MRPS28: variants seen among roughly 807,000 people sequenced by gnomAD.
MRPS28 encodes mitochondrial ribosomal protein S28.
Under a neutral mutation model 10.8 loss-of-function variants are expected in MRPS28, and 7 were observed. The observed-to-expected ratio is 0.65, with a 90% confidence interval of 0.37 to 1.22. MRPS28 has a LOEUF of 1.22. Among genes scored for constraint, MRPS28 ranks in the 50% most tolerant of loss-of-function variants. The pLI is 0.02. For synonymous variants in MRPS28, 121 were observed against 93.3 expected (o/e 1.30, Z -1.71); for missense variants, 265 against 232.9 (o/e 1.14, Z -0.90).
At chr8:80,007,560 A>C (rs201902653) in intron 1 of MRPS28, among the ~76,000 whole-genome samples, 5 of 152,128 alleles carry the variant, frequency 3.3e-5, no homozygotes, top group African/African-American at 4.8e-5. Flanking sequence ...AGCTGATAAG[A>C]AACTTCAGCA....
At chr8:79,983,047 A>C (rs1305207150) in intron 2 of MRPS28, among the ~76,000 whole-genome samples, 1 of 150,032 alleles carries the variant, frequency 6.7e-6, no homozygotes, top group African/African-American at 2.5e-5. Context: ...CTGACACCTC[A>C]CACGGCCAGG....
intron 1 of MRPS28, among the ~76,000 whole-genome samples, chr8:80,003,614 G>A (rs1442421497): frequency 2.0e-5 from 3 of 152,312 alleles, no homozygotes; most frequent in Non-Finnish European, 2.9e-5. Flanking sequence ...CTGAGGTACC[G>A]GGTTCATTTC....
At chr8:79,991,754 C>G (rs550511083) in intron 2 of MRPS28, among the ~76,000 whole-genome samples, 3 of 152,302 alleles carry the variant, frequency 2.0e-5, no homozygotes, top group Non-Finnish European at 4.4e-5. Context: ...AATGCATACA[C>G]AAACTCTGTA....
chr8:79,919,014 T>C lies in MRPS28; in HGVS notation c.530A>G (p.Asp177Gly), dbSNP rs374250785. 11 of 1,581,668 alleles carry C rather than the reference T, an allele frequency of 7.0e-6. 1 individual carries two copies. The highest frequency in any genetic ancestry group is 1.9e-5 in the Admixed American group (1 of 52,824). The change falls in exon 3 of 3, where the codon GAC (aspartate) becomes GGC (glycine). Residue 177 changes from aspartate to glycine, a missense_variant. Asp to Gly is a moderately conservative substitution (Grantham distance 94). Coordinates refer to ENST00000276585, the MANE Select transcript of MRPS28 (RefSeq NM_014018.3). ...ATGATGTTCTTCTTTCGATCTTGAGTCTTTACTCTCCTGGATTCCCAAGAG... is the reference window on the plus strand; with the variant it reads ...ATGATGTTCTTCTTTCGATCTTGAGCCTTTACTCTCCTGGATTCCCAAGAG... ...AVLLGIQESK[D>G]SRSKEEHHEK
At chr8:79,936,784 A>G (rs1167999222) in intron 2 of MRPS28, among the ~76,000 whole-genome samples, 2 of 152,234 alleles carry the variant, frequency 1.3e-5, no homozygotes, top group African/African-American at 4.8e-5. Flanking sequence ...AAAGAAAAAC[A>G]TTAATAGTAC....
chr8:79,976,382 C>T (rs904848020), intron 2 of MRPS28, among the ~76,000 whole-genome samples: 1 of 152,196 alleles, frequency 6.6e-6, no homozygotes, highest in African/African-American at 2.4e-5. Context: ...CGCACCCGGC[C>T]TTGTTAAGAA....
intron 2 of MRPS28, among the ~76,000 whole-genome samples, chr8:79,941,149 A>T (rs1806756647): frequency 6.6e-6 from 1 of 152,140 alleles, no homozygotes; most frequent in African/African-American, 2.4e-5. Flanking sequence ...ATACATAAAT[A>T]AAAATTAAAA....
At chr8:79,933,733 T>C (rs1418879761) in intron 2 of MRPS28, among the ~76,000 whole-genome samples, 1 of 152,134 alleles carries the variant, frequency 6.6e-6, no homozygotes, top group African/African-American at 2.4e-5. Context: ...AAGGAATTCT[T>C]GGGAAAACAG....
At chr8:80,014,814 C>G (rs1809153051) in intron 1 of MRPS28, among the ~76,000 whole-genome samples, 1 of 152,082 alleles carries the variant, frequency 6.6e-6, no homozygotes, top group South Asian at 2.1e-4. Context: ...TGATTTCCCC[C>G]CTGCCACCCC....
chr8:80,019,273 G>A (rs1350800033), intron 1 of MRPS28, among the ~76,000 whole-genome samples: 2 of 149,266 alleles, frequency 1.3e-5, no homozygotes, highest in Admixed American at 6.7e-5. Context: ...ATTATTACAT[G>A]TTATATGCCT....
At chr8:80,004,187 C>A (rs917605359) in intron 1 of MRPS28, among the ~76,000 whole-genome samples, 1 of 152,240 alleles carries the variant, frequency 6.6e-6, no homozygotes, top group Non-Finnish European at 1.5e-5. Flanking sequence ...CAGACTGCCT[C>A]CTCAAGTGGG....
chr8:79,968,670 G>A (rs776133926), intron 2 of MRPS28, among the ~76,000 whole-genome samples: 3 of 149,576 alleles, frequency 2.0e-5, no homozygotes, highest in East Asian at 2.0e-4. Flanking sequence ...CTCCTCTCTC[G>A]CCTTAGGGAA....
chr8:79,936,066 G>A (rs1427344642), intron 2 of MRPS28, among the ~76,000 whole-genome samples: 1 of 151,666 alleles, frequency 6.6e-6, no homozygotes, highest in Admixed American at 6.6e-5. Flanking sequence ...AATTAGAGGG[G>A]CCAGGTGTGG....
chr8:80,001,753 T>C (rs1425827683), intron 2 of MRPS28, among the ~76,000 whole-genome samples: 1 of 152,246 alleles, frequency 6.6e-6, no homozygotes, highest in African/African-American at 2.4e-5. Flanking sequence ...AGTCTTTCAG[T>C]TGACACCTGG....
rs151012157 is a variant in MRPS28, at chr8:80,004,835, G to A, written c.214-1655C>T. The stretch of plus-strand genomic sequence containing the variant: ...AACCACGGCACAAGAACTACGTGAC[G>A]AATGCACAAGCTTCAGTAGCTGATT... On this transcript the variant is annotated intron_variant, in intron 1 of 2. Coordinates refer to ENST00000276585, the MANE Select transcript of MRPS28 (RefSeq NM_014018.3). 3.3e-3 allele frequency among the ~76,000 whole-genome samples: 500 copies of A among 152,338 alleles called. 18 individuals carry two copies. The East Asian group carries it at 0.087, about 27-fold the overall frequency.
chr8:79,976,089 T>C (rs1807788930), intron 2 of MRPS28, among the ~76,000 whole-genome samples: 1 of 150,184 alleles, frequency 6.7e-6, no homozygotes, highest in South Asian at 2.2e-4. Context: ...AAGAATCTTT[T>C]TTTTTTTTTT....
At chr8:80,025,278 T>C (rs1458413883) in intron 1 of MRPS28, among the ~76,000 whole-genome samples, 2 of 152,230 alleles carry the variant, frequency 1.3e-5, no homozygotes, top group African/African-American at 4.8e-5. Context: ...CCAATTTCTA[T>C]ATTTTGCTTT....
chr8:79,982,618 C>A (rs1807997324), intron 2 of MRPS28, among the ~76,000 whole-genome samples: 2 of 152,198 alleles, frequency 1.3e-5, no homozygotes. Context: ...TTATATCCTG[C>A]ACCTGGCTCG....
At chr8:80,017,610 A>G (rs2130225232) in intron 1 of MRPS28, among the ~76,000 whole-genome samples, 1 of 152,342 alleles carries the variant, frequency 6.6e-6, no homozygotes, top group East Asian at 1.9e-4. Flanking sequence ...AGTAATTAAT[A>G]TACTTCCAAA....
Sources: allele counts gnomAD v4.1 joint callset (sites outside exome capture counted in the v4.1 genomes callset), GRCh38; gene constraint gnomAD v4.1.1; transcripts MANE v1.5; gene names NCBI Gene and HGNC (gene_info 2026-07-23, HGNC 2026-07-21).